Variants in ADCY3 observed in about 807,000 individuals in gnomAD.
ADCY3 encodes the protein adenylate cyclase type 3.
ADCY3 carries 70 observed loss-of-function variants against 119.4 expected under a neutral mutation model. The ratio of observed to expected loss-of-function variants is 0.59; its 90% CI spans 0.48 to 0.72. The LOEUF is 0.72. ADCY3 is among the 30% of genes least tolerant of loss of function. The pLI is 0.00. For missense variants in ADCY3, 1,238 were observed against 1,541.6 expected (o/e 0.80, Z 3.30); for synonymous variants, 672 against 621.4 (o/e 1.08, Z -1.21).
chr2:24,892,809 G>A (rs956564953), intron 2 of ADCY3, among the ~76,000 whole-genome samples: 1 of 151,974 alleles, frequency 6.6e-6, no homozygotes, highest in African/African-American at 2.4e-5. Context: ...GGTACTTATA[G>A]CCACACCATC....
chr2:24,877,994 A>G, intron 2 of ADCY3: 1 of 471,142 alleles, frequency 2.1e-6, no homozygotes, highest in African/African-American at 2.0e-5. Flanking sequence ...GGTCCCCTTT[A>G]GACTGCACAG....
At chr2:24,907,721 G>A (rs575131808) in intron 2 of ADCY3, among the ~76,000 whole-genome samples, 303 of 152,280 alleles carry the variant, frequency 2.0e-3, no homozygotes, top group African/African-American at 6.7e-3. Context: ...AAGACTGGGC[G>A]CAGTAGCTCA....
chr2:24,835,793 A>T (rs1275722215), intron 9 of ADCY3, among the ~76,000 whole-genome samples: 1 of 152,016 alleles, frequency 6.6e-6, no homozygotes, highest in African/African-American at 2.4e-5. Context: ...AAAATTAGCC[A>T]GGCATGGTGG....
chr2:24,842,198 A>G lies in ADCY3; in HGVS notation c.956+56T>C. 1 of 1,609,342 alleles carries G rather than the reference A, an allele frequency of 6.2e-7. No individual in the cohort carries two copies. Among genetic ancestry groups the G allele is most frequent in the South Asian group, 1.1e-5 (1 of 90,902 alleles). On this transcript the variant is annotated intron_variant, in intron 4 of 21. Coordinates refer to ENST00000679454, the MANE Select transcript of ADCY3 (RefSeq NM_004036.5). The surrounding 1 kb of genome is among the most constrained non-coding windows in gnomAD (Gnocchi z 4.9). The stretch of plus-strand genomic sequence containing the variant: ...ACAGCACCTAGCGGGTCCCACAAAG[A>G]TGCAGCCCTCCACAGCCTGCTCTGC...
intron 3 of ADCY3, among the ~76,000 whole-genome samples, chr2:24,867,958 G>A (rs1674501969): frequency 6.6e-6 from 1 of 152,150 alleles, no homozygotes; most frequent in African/African-American, 2.4e-5. Flanking sequence ...AAAGAGGTAA[G>A]TACTAATTTG....
At chr2:24,866,578 A>AAG (rs1674339277) in intron 3 of ADCY3, among the ~76,000 whole-genome samples, 1 of 150,134 alleles carries the variant, frequency 6.7e-6, no homozygotes. Context: ...AAAAAAAAAA[A>AAG]AAAAAAAGAA....
chr2:24,910,466 G>A (rs1663451666), intron 2 of ADCY3, among the ~76,000 whole-genome samples: 1 of 152,056 alleles, frequency 6.6e-6, no homozygotes, highest in African/African-American at 2.4e-5. Context: ...CACAGCAGTG[G>A]ATAACTAAAA....
At position 24,868,530 on chromosome 2, in the gene ADCY3, A is replaced by C. The variant is rs536846975; in HGVS notation, c.825+4040T>G. Reference sequence around the variant, plus strand: ...GCCGGGCGTGTTCCCAGCTACTCGGAGGCTGAGGCAAGAGGATACCTTGAA... The same window carrying C: ...GCCGGGCGTGTTCCCAGCTACTCGGCGGCTGAGGCAAGAGGATACCTTGAA... On this transcript the variant is annotated intron_variant, in intron 3 of 21. Transcript: ENST00000679454. Among the ~76,000 whole-genome samples the C allele has an allele frequency of 5.3e-5, 8 of 152,234 alleles. No individual in the cohort carries two copies. The East Asian group carries it at 9.6e-4, about 18-fold the overall frequency.
chr2:24,894,583 G>A (rs1488079016), intron 2 of ADCY3, among the ~76,000 whole-genome samples: 4 of 151,998 alleles, frequency 2.6e-5, no homozygotes, highest in Non-Finnish European at 5.9e-5. Flanking sequence ...TTGCTTCTAT[G>A]TATGTTCTAA....
chr2:24,826,992 C>T (rs1668715374), intron 15 of ADCY3, among the ~76,000 whole-genome samples: 2 of 152,204 alleles, frequency 1.3e-5, no homozygotes, highest in Admixed American at 6.5e-5. Context: ...TCCTTGATTA[C>T]TTGAGTGCCA....
chr2:24,907,893 C>T (rs1056513251), intron 2 of ADCY3, among the ~76,000 whole-genome samples: 5 of 151,840 alleles, frequency 3.3e-5, no homozygotes, highest in Non-Finnish European at 5.9e-5. Flanking sequence ...ACTTGGGAGG[C>T]TAAGGCAGGA....
chr2:24,881,031 T>G (rs1380863916), intron 2 of ADCY3, among the ~76,000 whole-genome samples: 2 of 145,272 alleles, frequency 1.4e-5, no homozygotes, highest in Non-Finnish European at 3.0e-5. Flanking sequence ...AAAAAAAAAG[T>G]CTCCTTCCTT....
At position 24,841,688 on chromosome 2, in the gene ADCY3, G is replaced by A; in HGVS notation, c.957-21C>T. ...GGATGCTGCATGAGGAAGGAACCGT[G>A]GGGGTGACGCTCCAGGCAGCCAGGT... On this transcript the variant is annotated intron_variant, in intron 4 of 21. Coordinates refer to ENST00000679454, the MANE Select transcript of ADCY3 (RefSeq NM_004036.5). This position sits in a 1 kb window ranked among gnomAD's most constrained non-coding sequence, Gnocchi z 5.8. 6 of 1,595,776 alleles carry A rather than the reference G, an allele frequency of 3.8e-6. No homozygotes were observed. The highest frequency in any genetic ancestry group is 5.1e-6 in the Non-Finnish European group (6 of 1,165,112).
At position 24,834,428 on chromosome 2, in the gene ADCY3, C is replaced by A; in HGVS notation, c.1967+57G>T. 1 of 1,166,956 alleles carries A rather than the reference C, an allele frequency of 8.6e-7. No homozygotes were observed. Among genetic ancestry groups the A allele is most frequent in the Non-Finnish European group, 1.2e-6 (1 of 832,174 alleles). 72.3% of individuals were successfully genotyped at this position (1,166,956 alleles called of 1,614,324 possible). ...CCGCTGAGACACCTGCCCCCGCCCC[C>A]CGCCCGGCACCACCGCAGCCGAGGA... On this transcript the variant is annotated intron_variant, in intron 11 of 21. Transcript: ENST00000679454. This position sits in a 1 kb window ranked among gnomAD's most constrained non-coding sequence, Gnocchi z 4.2.
At chr2:24,889,202 GA>G (rs1677405012) in intron 2 of ADCY3, among the ~76,000 whole-genome samples, 1 of 152,330 alleles carries the variant, frequency 6.6e-6, no homozygotes, top group South Asian at 2.1e-4. Flanking sequence ...CCAATACAGG[GA>G]AGCAGCATGG....
chr2:24,909,363 G>A (rs1458827506), intron 2 of ADCY3, among the ~76,000 whole-genome samples: 1 of 152,142 alleles, frequency 6.6e-6, no homozygotes, highest in Non-Finnish European at 1.5e-5. Context: ...ACAAACATCA[G>A]AGCCAAGCTG....
At chr2:24,824,303 G>GC in intron 17 of ADCY3, 75 bp downstream of exon 17, 2 of 1,566,406 alleles carry the variant, frequency 1.3e-6, no homozygotes, top group Non-Finnish European at 1.7e-6. Context: ...CCTGGGCCCA[G>GC]CGGGGGCTGC....
intron 2 of ADCY3, among the ~76,000 whole-genome samples, chr2:24,874,127 CCT>C (rs1270235363): frequency 1.3e-5 from 2 of 152,192 alleles, no homozygotes; most frequent in African/African-American, 4.8e-5. Context: ...CAACACTTGC[CCT>C]GAGGATCAAC....
chr2:24,844,583 G>A (rs992509703), intron 3 of ADCY3, among the ~76,000 whole-genome samples: 1 of 152,132 alleles, frequency 6.6e-6, no homozygotes, highest in Non-Finnish European at 1.5e-5. Flanking sequence ...CACTCCTCTG[G>A]GTGGAGCTGC....
Sources: gnomAD v4.1 joint callset for allele counts (sites outside exome capture counted in the v4.1 genomes callset) on GRCh38, gnomAD v4.1.1 for gene constraint, Gnocchi (gnomAD v3.1) non-coding constraint, MANE v1.5 for transcripts, NCBI Gene and HGNC (gene_info 2026-07-23, HGNC 2026-07-21) for gene names.